Variants in B3GALT1 observed in about 807,000 individuals in gnomAD.
The protein encoded by B3GALT1 is UDP-Gal:betaGlcNAc beta 1,3-galactosyltransferase, polypeptide 1.
A neutral mutation model predicts 23.2 loss-of-function variants in B3GALT1; 10 were observed. That is an observed-to-expected ratio of 0.43 (90% CI 0.27 to 0.73). The LOEUF is 0.73. Ranked by LOEUF, B3GALT1 falls within the 30% of genes least tolerant of loss-of-function variation. The pLI is 0.21. For synonymous variants in B3GALT1, 156 were observed against 141.5 expected (o/e 1.10, Z -0.73); for missense variants, 299 against 405.4 (o/e 0.74, Z 2.25).
At chr2:167,717,280 T>C (rs2105251015) in intron 3 of B3GALT1, among the ~76,000 whole-genome samples, 1 of 148,556 alleles carries the variant, frequency 6.7e-6, no homozygotes, top group South Asian at 2.2e-4. Flanking sequence ...CTCCAATATC[T>C]GGATTATCTA....
intron 2 of B3GALT1, among the ~76,000 whole-genome samples, chr2:167,597,027 C>T (rs983732632): frequency 6.6e-6 from 1 of 151,820 alleles, no homozygotes; most frequent in Non-Finnish European, 1.5e-5. Context: ...AGTGGCAGAG[C>T]AAAAGCCTAG....
At chr2:167,862,559 GT>G (rs1183027323) in intron 4 of B3GALT1, among the ~76,000 whole-genome samples, 1 of 152,114 alleles carries the variant, frequency 6.6e-6, no homozygotes, top group African/African-American at 2.4e-5. Context: ...CAGAAGTAAT[GT>G]TTCAGCAGCT....
At chr2:167,793,541 TA>T (rs558392969) in intron 3 of B3GALT1, among the ~76,000 whole-genome samples, 6,332 of 152,252 alleles carry the variant, frequency 0.042, 156 homozygotes, top group South Asian at 0.09. Context: ...GGAAAATGAT[TA>T]GTTCGGATTT....
intron 1 of B3GALT1, among the ~76,000 whole-genome samples, chr2:167,340,948 G>A (rs781053979): frequency 1.3e-4 from 19 of 151,884 alleles, no homozygotes; most frequent in Middle Eastern, 3.2e-3. Context: ...GGAAATAGGG[G>A]AAAAAGATGA....
chr2:167,302,621 T>A (rs1696468807), intron 1 of B3GALT1, among the ~76,000 whole-genome samples: 2 of 152,098 alleles, frequency 1.3e-5, no homozygotes, highest in Non-Finnish European at 2.9e-5. Context: ...TTAAAATAAA[T>A]TTTTTTATTG....
intron 3 of B3GALT1, among the ~76,000 whole-genome samples, chr2:167,683,766 C>T (rs776884658): frequency 2.0e-5 from 3 of 152,102 alleles, no homozygotes; most frequent in Non-Finnish European, 2.9e-5. Context: ...CACACACACA[C>T]ATCAAAGACA....
chr2:167,608,428 A>G (rs1685003714), intron 2 of B3GALT1, among the ~76,000 whole-genome samples: 1 of 152,196 alleles, frequency 6.6e-6, no homozygotes, highest in African/African-American at 2.4e-5. Flanking sequence ...TATCTTTGAG[A>G]GTTTAAAACG....
At chr2:167,600,477 A>G (rs1213870292) in intron 2 of B3GALT1, among the ~76,000 whole-genome samples, 1 of 152,178 alleles carries the variant, frequency 6.6e-6, no homozygotes, top group Non-Finnish European at 1.5e-5. Flanking sequence ...TCAAATTTAG[A>G]CAATTATCAT....
intron 4 of B3GALT1, among the ~76,000 whole-genome samples, chr2:167,842,021 A>C (rs1689661943): frequency 6.6e-6 from 1 of 152,248 alleles, no homozygotes; most frequent in African/African-American, 2.4e-5. Context: ...AATATTAATA[A>C]AGCTGGAAAA....
intron 2 of B3GALT1, among the ~76,000 whole-genome samples, chr2:167,565,574 T>C (rs1339891084): frequency 2.0e-5 from 3 of 152,074 alleles, no homozygotes; most frequent in Admixed American, 6.5e-5. Context: ...ACAGGCAACC[T>C]ACAAAATGGG....
chr2:167,613,835 C>G (rs1422568376), intron 2 of B3GALT1, among the ~76,000 whole-genome samples: 2 of 151,726 alleles, frequency 1.3e-5, no homozygotes, highest in Non-Finnish European at 3.0e-5. Context: ...ATTTAAATAT[C>G]AAGAATGTTT....
chr2:167,518,366 A>T (rs1167090864), intron 2 of B3GALT1, among the ~76,000 whole-genome samples: 1 of 152,142 alleles, frequency 6.6e-6, no homozygotes, highest in African/African-American at 2.4e-5. Context: ...ACAATAATAG[A>T]TATTGAAGTT....
intron 3 of B3GALT1, among the ~76,000 whole-genome samples, chr2:167,711,419 G>C (rs1402860755): frequency 6.6e-6 from 1 of 152,176 alleles, no homozygotes; most frequent in East Asian, 1.9e-4. Flanking sequence ...GAACAAATGG[G>C]TGAATGAATG....
chr2:167,297,744 A>T (rs920274394), intron 1 of B3GALT1, among the ~76,000 whole-genome samples: 2 of 152,124 alleles, frequency 1.3e-5, no homozygotes, highest in Non-Finnish European at 2.9e-5. Context: ...ACCTAGCTTG[A>T]CTTTCAAAAA....
intron 2 of B3GALT1, among the ~76,000 whole-genome samples, chr2:167,583,865 C>T (rs1441841383): frequency 1.3e-5 from 2 of 152,196 alleles, no homozygotes; most frequent in Non-Finnish European, 2.9e-5. Context: ...GCAAGCTCCA[C>T]ATCTAGAGTC....
chr2:167,736,841 T>A (rs887729814), intron 3 of B3GALT1, among the ~76,000 whole-genome samples: 1 of 151,976 alleles, frequency 6.6e-6, no homozygotes, highest in Non-Finnish European at 1.5e-5. Context: ...GGCTGAGGCA[T>A]GAGAATCACT....
intron 2 of B3GALT1, among the ~76,000 whole-genome samples, chr2:167,591,801 T>A (rs1467683538): frequency 1.3e-5 from 2 of 152,066 alleles, no homozygotes; most frequent in African/African-American, 4.8e-5. Context: ...GTTGTTGTTG[T>A]TATTATAGCA....
At chr2:167,578,642 G>C (rs1170227411) in intron 2 of B3GALT1, among the ~76,000 whole-genome samples, 1 of 151,662 alleles carries the variant, frequency 6.6e-6, no homozygotes, top group Non-Finnish European at 1.5e-5. Flanking sequence ...TCTAATAAGG[G>C]TTCTAATAAG....
intron 3 of B3GALT1, among the ~76,000 whole-genome samples, chr2:167,793,910 G>A (rs1470852142): frequency 6.6e-6 from 1 of 152,146 alleles, no homozygotes; most frequent in Non-Finnish European, 1.5e-5. Context: ...CTCCGCATAG[G>A]GAAGAGATGA....
Sources: gnomAD v4.1 joint callset for allele counts (sites outside exome capture counted in the v4.1 genomes callset) on GRCh38, gnomAD v4.1.1 for gene constraint, MANE v1.5 for transcripts, NCBI Gene and HGNC (gene_info 2026-07-23, HGNC 2026-07-21) for gene names.